The following S100PBP variants were observed in gnomAD, a reference collection of about 807,000 sequenced individuals.
The protein encoded by S100PBP is S100P-binding protein.
In S100PBP, 15 loss-of-function variants were observed where a neutral mutation model predicts 39.9. That is an observed-to-expected ratio of 0.38 (90% CI 0.25 to 0.58). S100PBP has a LOEUF of 0.58. S100PBP is among the 20% of genes least tolerant of loss of function. The pLI is 0.70. For synonymous variants in S100PBP, 178 were observed against 180.3 expected, an observed-to-expected ratio of 0.99 and a Z score of 0.10; for missense variants, 504 against 487.3, an observed-to-expected ratio of 1.03 and a Z score of -0.32.
upstream of S100PBP, chr1:32,817,031 G>T: frequency 1.1e-6 from 1 of 926,306 alleles, no homozygotes; most frequent in Non-Finnish European, 1.7e-6. Context: ...CTGCTTGATT[G>T]ACTGACCGAC....
intron 6 of S100PBP, 101 bp downstream of exon 6, chr1:32,853,267 C>CATTTGAGGTCAGGA (rs61236897): frequency 0.99 from 642,079 of 650,948 alleles, 317,184 homozygotes; most frequent in East Asian, 1. Context: ...GTGGGTGGGT[C>CATTTGAGGTCAGGA]GTTTGAGACC....
At chr1:32,818,250 C>T (rs888969292) in intron 1 of S100PBP, 1 of 152,318 alleles carries the variant, frequency 6.6e-6, no homozygotes, top group Admixed American at 6.5e-5. Flanking sequence ...TTCGCGGTGT[C>T]CCCGGGGGAG....
intron 5 of S100PBP, chr1:32,836,731 C>A: frequency 3.7e-6 from 1 of 272,236 alleles, no homozygotes; most frequent in Non-Finnish European, 5.6e-6. Context: ...TTTTCCTCTG[C>A]TGCCCTCCTG....
chr1:32,852,981 A>G, intron 5 of S100PBP, 98 bp from the exon 6 acceptor site: 1 of 782,200 alleles, frequency 1.3e-6, no homozygotes, highest in Non-Finnish European at 2.2e-6. Flanking sequence ...ATTGTTGAGA[A>G]CAGTGCCTGT....
chr1:32,845,491 A>T (rs1024346845), intron 5 of S100PBP, among the ~76,000 whole-genome samples: 1 of 151,552 alleles, frequency 6.6e-6, no homozygotes, highest in Non-Finnish European at 1.5e-5. Context: ...CTAGTCTCGA[A>T]CTCTTGGCCT....
chr1:32,850,676 G>T (rs1640571861), intron 5 of S100PBP, among the ~76,000 whole-genome samples: 1 of 152,094 alleles, frequency 6.6e-6, no homozygotes, highest in Non-Finnish European at 1.5e-5. Flanking sequence ...TGTAGATAAA[G>T]GACATTAAAC....
At chr1:32,854,997 T>G (rs1640766988) in intron 6 of S100PBP, among the ~76,000 whole-genome samples, 1 of 152,192 alleles carries the variant, frequency 6.6e-6, no homozygotes, top group African/African-American at 2.4e-5. Context: ...ATACAAGGAC[T>G]TAATGAAAAT....
intron 5 of S100PBP, among the ~76,000 whole-genome samples, chr1:32,842,035 A>G (rs1038259130): frequency 1.3e-5 from 2 of 151,466 alleles, no homozygotes; most frequent in African/African-American, 2.4e-5. Context: ...AAAAAAATTA[A>G]AAGGTTAGCC....
chr1:32,826,328 G>A lies in S100PBP; in HGVS notation c.229G>A (p.Asp77Asn), dbSNP rs768158332. ...PSYEQSSGED[D>N]GGHVEKGERG... ...ATATGAGCAGTCTTCTGGGGAAGAT[G>A]ATGGTGGGCATGTTGAGAAGGGAGA... Residue 77 changes from aspartate to asparagine, a missense_variant, in exon 3 of 7, where the codon GAT becomes AAT. Transcript: ENST00000373475. 3 of 1,614,124 alleles carry A rather than the reference G, an allele frequency of 1.9e-6. No individual in the cohort carries two copies. The highest frequency in any genetic ancestry group is 2.5e-6 in the Non-Finnish European group (3 of 1,179,992).
intron 5 of S100PBP, among the ~76,000 whole-genome samples, chr1:32,841,243 AG>A (rs1397283013): frequency 6.6e-6 from 1 of 152,048 alleles, no homozygotes; most frequent in African/African-American, 2.4e-5. Flanking sequence ...TCCAAATGCA[AG>A]TTTCTTTGCC....
chr1:32,816,800 C>T (rs1638751830), upstream of S100PBP: 9 of 303,042 alleles, frequency 3.0e-5, no homozygotes, highest in South Asian at 3.8e-4. Context: ...AGTATAGCAT[C>T]TTCCAGTACT....
Position 32,828,030 on chromosome 1 carries a change from G to C in S100PBP, c.869G>C (p.Gly290Ala). Reference protein sequence around the residue: ...VLNKDSGKMKGHERRLGKVIP... With the variant: ...VLNKDSGKMKAHERRLGKVIP... Reference sequence around the variant, plus strand: ...AACAAGGATTCTGGGAAGATGAAAGGCCATGAGAGAAGACTAGGCAAAGTC... The same window carrying C: ...AACAAGGATTCTGGGAAGATGAAAGCCCATGAGAGAAGACTAGGCAAAGTC... The change falls in exon 4 of 7, where the codon GGC (glycine) becomes GCC (alanine). Residue 290 changes from glycine (G) to alanine (A), a missense_variant. Gly to Ala is a moderately conservative substitution (Grantham distance 60). Coordinates refer to ENST00000373475, the MANE Select transcript of S100PBP (RefSeq NM_022753.4). 1 of 1,612,022 alleles carries C rather than the reference G, an allele frequency of 6.2e-7. No homozygotes were observed. The highest frequency in any genetic ancestry group is 8.5e-7 in the Non-Finnish European group (1 of 1,178,556).
At chr1:32,827,939 T>G in intron 3 of S100PBP, 54 bp from the exon 4 acceptor site, 1 of 1,257,516 alleles carries the variant, frequency 8.0e-7, no homozygotes, top group African/African-American at 1.5e-5. Flanking sequence ...TTTTCAGTGC[T>G]TTTCTTATAA....
At chr1:32,842,202 AAC>A (rs1226868458) in intron 5 of S100PBP, among the ~76,000 whole-genome samples, 18 of 84,910 alleles carry the variant, frequency 2.1e-4, no homozygotes, top group East Asian at 3.6e-4. Context: ...AAAAAAAAAA[AAC>A]ATATATATAT....
chr1:32,821,214 CG>C (rs1639041223), intron 1 of S100PBP, among the ~76,000 whole-genome samples: 1 of 152,050 alleles, frequency 6.6e-6, no homozygotes, highest in Non-Finnish European at 1.5e-5. Context: ...CTGAGGCGGA[CG>C]GATCACGAGG....
intron 6 of S100PBP, among the ~76,000 whole-genome samples, chr1:32,854,547 T>A (rs767561963): frequency 9.2e-5 from 14 of 152,212 alleles, no homozygotes; most frequent in Non-Finnish European, 2.1e-4. Context: ...AAAGCCTAAC[T>A]ATTTCTCATC....
chr1:32,827,722 C>T (rs1479352968), intron 3 of S100PBP, among the ~76,000 whole-genome samples: 1 of 151,338 alleles, frequency 6.6e-6, no homozygotes, highest in East Asian at 1.9e-4. Flanking sequence ...CTCAGGTGAT[C>T]CACCCGCCTT....
intron 1 of S100PBP, among the ~76,000 whole-genome samples, chr1:32,821,282 G>A (rs183621296): frequency 6.6e-6 from 1 of 151,982 alleles, no homozygotes; most frequent in Admixed American, 6.6e-5. Flanking sequence ...TAATAATTTT[G>A]TGATATATGT....
At chr1:32,843,489 C>T (rs1402780606) in intron 5 of S100PBP, among the ~76,000 whole-genome samples, 4 of 151,602 alleles carry the variant, frequency 2.6e-5, no homozygotes, top group Non-Finnish European at 4.4e-5. Context: ...TGAAGTTTCA[C>T]TCTTCTTGCC....
Sources: allele counts gnomAD v4.1 joint callset (sites outside exome capture counted in the v4.1 genomes callset), GRCh38; gene constraint gnomAD v4.1.1; transcripts MANE v1.5; gene names NCBI Gene and HGNC (gene_info 2026-07-23, HGNC 2026-07-21).